The following EDARADD variants were observed in gnomAD, a reference collection of about 807,000 sequenced individuals.
EDARADD encodes EDAR associated via death domain.
Under a neutral mutation model 25.6 loss-of-function variants are expected in EDARADD, and 20 were observed. That is an observed-to-expected ratio of 0.78 (90% CI 0.55 to 1.14). The LOEUF is 1.14. Among genes scored for constraint, EDARADD ranks in the 50% most tolerant of loss-of-function variants. The pLI is 0.00. For synonymous variants in EDARADD, 86 were observed against 94.4 expected, an observed-to-expected ratio of 0.91 and a Z score of 0.52; for missense variants, 225 against 270.1, an observed-to-expected ratio of 0.83 and a Z score of 1.17.
intron 4 of EDARADD, among the ~76,000 whole-genome samples, chr1:236,452,902 C>T (rs748331285): frequency 3.9e-5 from 6 of 152,156 alleles, no homozygotes; most frequent in East Asian, 1.9e-4. Context: ...CGTATAGCTA[C>T]GTAAGGGTTT....
intron 4 of EDARADD, among the ~76,000 whole-genome samples, chr1:236,438,306 C>A (rs1454205535): frequency 6.6e-6 from 1 of 152,196 alleles, no homozygotes; most frequent in Admixed American, 6.5e-5. Context: ...ACAGGTCAAT[C>A]CACAACAATG....
chr1:236,415,381 G>C (rs1196143444), intron 3 of EDARADD, among the ~76,000 whole-genome samples: 1 of 152,188 alleles, frequency 6.6e-6, no homozygotes, highest in Non-Finnish European at 1.5e-5. Context: ...GACCATAGGG[G>C]TGGCTAGACC....
intron 1 of EDARADD, among the ~76,000 whole-genome samples, chr1:236,396,833 C>T (rs910712763): frequency 6.6e-6 from 1 of 151,962 alleles, no homozygotes; most frequent in Non-Finnish European, 1.5e-5. Flanking sequence ...GAGAAACCCT[C>T]CTACTGCCCC....
intron 5 of EDARADD, among the ~76,000 whole-genome samples, chr1:236,480,133 A>ATATATATATCTATC (rs1553271650): frequency 1.4e-4 from 20 of 142,084 alleles, no homozygotes; most frequent in African/African-American, 5.1e-4. Flanking sequence ...ATATATATAT[A>ATATATATATCTATC]TATCACATTT....
At chr1:236,373,003 C>T (rs1667189238) in intron 3 of EDARADD, among the ~76,000 whole-genome samples, 1 of 150,024 alleles carries the variant, frequency 6.7e-6, no homozygotes, top group Admixed American at 6.7e-5. Context: ...GCAAGCTCCG[C>T]CTCCCGGGTT....
intron 4 of EDARADD, among the ~76,000 whole-genome samples, chr1:236,450,813 T>G (rs962617253): frequency 3.3e-5 from 5 of 152,170 alleles, no homozygotes; most frequent in Non-Finnish European, 7.4e-5. Flanking sequence ...CCTCCCAAAG[T>G]GCTGAGATTA....
chr1:236,454,797 G>T (rs1571945403), intron 4 of EDARADD, among the ~76,000 whole-genome samples: 1 of 152,306 alleles, frequency 6.6e-6, no homozygotes, highest in East Asian at 1.9e-4. Context: ...CTCTTGCCTT[G>T]CCTAAATCTA....
At chr1:236,454,981 G>T (rs1368510856) in intron 4 of EDARADD, among the ~76,000 whole-genome samples, 1 of 152,232 alleles carries the variant, frequency 6.6e-6, no homozygotes, top group Non-Finnish European at 1.5e-5. Context: ...GGAGGCCAAG[G>T]CGGGCAGATC....
intron 4 of EDARADD, among the ~76,000 whole-genome samples, chr1:236,439,215 T>A (rs530113677): frequency 6.6e-6 from 1 of 152,248 alleles, no homozygotes; most frequent in Admixed American, 6.5e-5. Flanking sequence ...AATATTCCAC[T>A]GTCTGTATGT....
intron 3 of EDARADD, among the ~76,000 whole-genome samples, chr1:236,361,003 C>T (rs1667040397): frequency 6.6e-6 from 1 of 152,058 alleles, no homozygotes. Flanking sequence ...TGGAGTGACA[C>T]CCAAAATAGT....
chr1:236,351,120 C>T (rs766378158), intron 3 of EDARADD, among the ~76,000 whole-genome samples: 5 of 151,976 alleles, frequency 3.3e-5, no homozygotes, highest in South Asian at 2.1e-4. Context: ...GCCTAGGCGA[C>T]GGTGAGACCC....
At position 236,394,379 on chromosome 1, in the gene EDARADD, T is replaced by A; in HGVS notation, c.-66T>A. ...CTGGCCAGACAACCAGCGAGCATCT[T>A]CTCGCAATCTGTTGCTTCTTCCATG... On this transcript the variant is annotated 5_prime_UTR_variant, in exon 1 of 6. Transcript: ENST00000334232. 6.4e-7 allele frequency: 1 copy of A among 1,554,260 alleles called. No individual in the cohort carries two copies. The highest frequency in any genetic ancestry group is 1.4e-5 in the African/African-American group (1 of 73,772).
intron 1 of EDARADD, among the ~76,000 whole-genome samples, chr1:236,405,866 CTTCCTTCCT>C (rs1558112748): frequency 2.5e-5 from 1 of 40,800 alleles, no homozygotes; most frequent in African/African-American, 1.2e-4. Flanking sequence ...TCCTTCCTTC[CTTCCTTCCT>C]TCTTTCTTTC....
intron 1 of EDARADD, among the ~76,000 whole-genome samples, chr1:236,405,954 A>T (rs1364622710): frequency 8.2e-6 from 1 of 121,282 alleles, no homozygotes. Flanking sequence ...TGCTCATTCT[A>T]ATTTTCCTGT....
intron 3 of EDARADD, among the ~76,000 whole-genome samples, chr1:236,424,154 CTTTTTTTT>C (rs34454343): frequency 9.4e-5 from 7 of 74,400 alleles, no homozygotes; most frequent in Non-Finnish European, 1.7e-4. Flanking sequence ...TGTGAAGCAT[CTTTTTTTT>C]TTTTTTTTTT....
chr1:236,370,739 C>T (rs1356454741), intron 3 of EDARADD, among the ~76,000 whole-genome samples: 3 of 152,086 alleles, frequency 2.0e-5, no homozygotes, highest in African/African-American at 7.2e-5. Flanking sequence ...GAAAAATATC[C>T]CAAGCACACT....
chr1:236,447,223 TCCTTTCTTTCCTTTCTTTC>T (rs1558127475), intron 4 of EDARADD, among the ~76,000 whole-genome samples: 52 of 39,780 alleles, frequency 1.3e-3, no homozygotes, highest in Admixed American at 2.7e-3. Flanking sequence ...TTTCTTTCTT[TCCTTTCTTTCCTTTCTTTC>T]CTTTCTTTCC....
chr1:236,390,699 G>T (rs1185725756), upstream of EDARADD, among the ~76,000 whole-genome samples: 2 of 152,146 alleles, frequency 1.3e-5, no homozygotes, highest in South Asian at 4.1e-4. Flanking sequence ...GGATTAAAGG[G>T]TCTCTCCCTG....
chr1:236,445,924 C>G (rs1369588329), intron 4 of EDARADD, among the ~76,000 whole-genome samples: 4 of 152,208 alleles, frequency 2.6e-5, no homozygotes, highest in African/African-American at 9.6e-5. Context: ...CCTGTTGGAA[C>G]CAATCACTGT....
Sources: allele counts gnomAD v4.1 joint callset (sites outside exome capture counted in the v4.1 genomes callset), GRCh38; gene constraint gnomAD v4.1.1; transcripts MANE v1.5; gene names NCBI Gene and HGNC (gene_info 2026-07-23, HGNC 2026-07-21).